Variants in IFT70B observed in about 807,000 individuals in gnomAD.
IFT70B encodes intraflagellar transport 70B, also known as intraflagellar transport protein 70B.
At chr2:177,550,754 T>C in the IFT70B span, 1 of 1,561,798 alleles carries the variant, frequency 6.4e-7, no homozygotes, top group Non-Finnish European at 8.6e-7. Context: ...TAAATGCCAC[T>C]ATCAGCTATT....
the IFT70B span, chr2:177,552,623 G>A: frequency 6.3e-7 from 1 of 1,591,168 alleles, no homozygotes; most frequent in Non-Finnish European, 8.6e-7. Context: ...GCAGCGACAG[G>A]CCGGCGCGGC....
the IFT70B span, chr2:177,552,781 T>C: frequency 1.0e-3 from 1,567 of 1,511,004 alleles, 13 homozygotes; most frequent in African/African-American, 0.018. Flanking sequence ...ACGGCTGTTA[T>C]GGGTGCGGTT....
At chr2:177,552,734 G>T in the IFT70B span, 12 of 1,582,190 alleles carry the variant, frequency 7.6e-6, no homozygotes, top group African/African-American at 1.6e-4. Context: ...ACTCCCCGTC[G>T]GGGATCTGCG....
chr2:177,550,404 A>T, the IFT70B span: 1 of 163,336 alleles, frequency 6.1e-6, no homozygotes, highest in African/African-American at 2.4e-5. Context: ...GATTATTTAA[A>T]GACTACTCTT....
At chr2:177,552,131 G>T in the IFT70B span, 3 of 1,614,222 alleles carry the variant, frequency 1.9e-6, no homozygotes, top group East Asian at 4.5e-5. Context: ...TAATCTCAGC[G>T]ATATGCTTCA....
the IFT70B span, chr2:177,550,325 A>G: frequency 6.5e-6 from 1 of 153,712 alleles, no homozygotes; most frequent in South Asian, 2.1e-4. Flanking sequence ...CCTAAAGTCT[A>G]TATAAAAAGT....
At chr2:177,552,382 C>T in the IFT70B span, 1 of 1,614,002 alleles carries the variant, frequency 6.2e-7, no homozygotes, top group Non-Finnish European at 8.5e-7. Flanking sequence ...CCTGGCAGAT[C>T]GCCCTCGCTG....
At chr2:177,552,500 G>A in the IFT70B span, 1 of 1,605,266 alleles carries the variant, frequency 6.2e-7, no homozygotes, top group Non-Finnish European at 8.5e-7. Flanking sequence ...CCTTGTACAG[G>A]GCCTGGGCCT....
the IFT70B span, chr2:177,551,423 G>A: frequency 6.2e-7 from 1 of 1,614,306 alleles, no homozygotes. Context: ...CAGATTTGCG[G>A]AAGATCTTTT....
the IFT70B span, chr2:177,552,023 C>A: frequency 6.2e-7 from 1 of 1,614,232 alleles, no homozygotes; most frequent in South Asian, 1.1e-5. Flanking sequence ...CCAGAGCAGT[C>A]TGATGGAGGA....
the IFT70B span, chr2:177,552,374 T>C: frequency 1.2e-6 from 2 of 1,614,138 alleles, no homozygotes; most frequent in East Asian, 2.2e-5. Context: ...TCCTGGACCC[T>C]GGCAGATCGC....
the IFT70B span, chr2:177,550,656 A>G: frequency 5.6e-4 from 555 of 994,124 alleles, 3 homozygotes; most frequent in African/African-American, 7.9e-3. Context: ...TTTATAATGC[A>G]TAAGTGTACA....
the IFT70B span, chr2:177,552,784 G>C: frequency 6.6e-7 from 1 of 1,505,552 alleles, no homozygotes; most frequent in Non-Finnish European, 8.9e-7. Context: ...GCTGTTATGG[G>C]TGCGGTTACT....
At chr2:177,549,293 C>G in the IFT70B span, 1 of 152,170 alleles carries the variant, frequency 6.6e-6, no homozygotes, top group African/African-American at 2.4e-5. Flanking sequence ...GCCATAAATT[C>G]AAAACCATTG....
At chr2:177,550,820 A>G in the IFT70B span, 4 of 1,614,030 alleles carry the variant, frequency 2.5e-6, no homozygotes, top group Admixed American at 6.7e-5. Context: ...GCCTAGACTC[A>G]TATGTGACTG....
chr2:177,550,782 A>G, the IFT70B span: 5 of 1,607,214 alleles, frequency 3.1e-6, no homozygotes, highest in South Asian at 1.1e-5. Context: ...ATTCCATCCT[A>G]TAATCTCATA....
chr2:177,550,914 T>C, the IFT70B span: 3 of 1,614,146 alleles, frequency 1.9e-6, no homozygotes, highest in East Asian at 2.2e-5. Flanking sequence ...TTCACAGTGT[T>C]CTAGAAACTG....
the IFT70B span, chr2:177,552,097 G>T: frequency 3.7e-6 from 6 of 1,614,232 alleles, no homozygotes; most frequent in Non-Finnish European, 5.1e-6. Flanking sequence ...CCTAGCTCAG[G>T]GTGCTGGCGG....
chr2:177,551,748 G>A, the IFT70B span: 1 of 1,614,224 alleles, frequency 6.2e-7, no homozygotes, highest in Non-Finnish European at 8.5e-7. Flanking sequence ...GACATCTGCT[G>A]CCAGGTCAAA....
Sources: gnomAD v4.1 joint callset for allele counts on GRCh38, gnomAD v4.1.1 for gene constraint, MANE v1.5 for transcripts, NCBI Gene and HGNC (gene_info 2026-07-23, HGNC 2026-07-21) for gene names.